DPYS: variants seen among roughly 807,000 people sequenced by gnomAD.
DPYS encodes dihydropyrimidine amidohydrolase.
DPYS carries 39 observed loss-of-function variants against 50.3 expected under a neutral mutation model. That is an observed-to-expected ratio of 0.78 (90% CI 0.60 to 1.01). DPYS has a LOEUF of 1.01. Among genes scored for constraint, DPYS ranks in the 50% least tolerant of loss-of-function variants. DPYS has a pLI of 0.00. For synonymous variants in DPYS, 245 were observed against 250.7 expected, an observed-to-expected ratio of 0.98 and a Z score of 0.22; for missense variants, 659 against 680.9, an observed-to-expected ratio of 0.97 and a Z score of 0.36.
chr8:104,428,111 T>C lies in DPYS; in HGVS notation c.961A>G (p.Thr321Ala). Reference protein sequence around the residue: ...LMNLLANDDLTTTGTDNCTFN... With the variant: ...LMNLLANDDLATTGTDNCTFN... ...GTGCAGTTATCAGTCCCTGTTGTGG[T>C]TAGATCATCACTGTAAAAGAAAAAA... The change falls in exon 6 of 10, where the codon ACC becomes GCC. Residue 321 changes from threonine to alanine, a missense_variant. Coordinates refer to ENST00000351513, the MANE Select transcript of DPYS (RefSeq NM_001385.3). 1.9e-6 allele frequency: 3 copies of C among 1,614,206 alleles called. No individual in the cohort carries two copies. The highest frequency in any genetic ancestry group is 2.5e-6 in the Non-Finnish European group (3 of 1,180,026).
At chr8:104,426,016 T>A (rs1381961376) in intron 6 of DPYS, among the ~76,000 whole-genome samples, 1 of 152,136 alleles carries the variant, frequency 6.6e-6, no homozygotes, top group East Asian at 1.9e-4. Flanking sequence ...AAATCTGCTA[T>A]AATAAAGATA....
At chr8:104,395,995 T>C (rs905748911) in intron 7 of DPYS, among the ~76,000 whole-genome samples, 3 of 152,154 alleles carry the variant, frequency 2.0e-5, no homozygotes, top group East Asian at 3.8e-4. Flanking sequence ...AATCAAGTGG[T>C]AAATAACATC....
chr8:104,390,214 C>T (rs1205955015), intron 8 of DPYS, among the ~76,000 whole-genome samples: 1 of 152,194 alleles, frequency 6.6e-6, no homozygotes, highest in Admixed American at 6.5e-5. Flanking sequence ...AATCCACCCT[C>T]TATGTTCATC....
intron 8 of DPYS, 88 bp downstream of exon 8, chr8:104,392,696 A>G (rs1811429130): frequency 6.6e-7 from 1 of 1,516,264 alleles, no homozygotes; most frequent in Non-Finnish European, 9.1e-7. Flanking sequence ...TGATGTGTCA[A>G]CACCACTACT....
At chr8:104,460,765 G>GT (rs907994696) in intron 1 of DPYS, among the ~76,000 whole-genome samples, 2 of 152,072 alleles carry the variant, frequency 1.3e-5, no homozygotes, top group Admixed American at 6.5e-5. Context: ...TAATCTTTGA[G>GT]TTTTTTTGTG....
chr8:104,450,297 A>C (rs1340746428), intron 2 of DPYS, among the ~76,000 whole-genome samples: 1 of 152,142 alleles, frequency 6.6e-6, no homozygotes, highest in Non-Finnish European at 1.5e-5. Flanking sequence ...TTAGCTGTGG[A>C]CTATAAACCT....
At chr8:104,438,351 T>A (rs1206880744) in intron 4 of DPYS, among the ~76,000 whole-genome samples, 1 of 152,230 alleles carries the variant, frequency 6.6e-6, no homozygotes, top group Admixed American at 6.5e-5. Flanking sequence ...TTTCTCAACC[T>A]ATTTTAAAAA....
intron 7 of DPYS, among the ~76,000 whole-genome samples, chr8:104,416,877 CA>C (rs1436320281): frequency 2.0e-5 from 3 of 152,148 alleles, no homozygotes. Flanking sequence ...CCACGCCCTA[CA>C]ATCCCTACTA....
chr8:104,436,168 C>T (rs1040296253), intron 4 of DPYS, among the ~76,000 whole-genome samples: 1 of 152,168 alleles, frequency 6.6e-6, no homozygotes, highest in Non-Finnish European at 1.5e-5. Context: ...GAAACAGACA[C>T]GCTTGGTGGA....
chr8:104,394,211 T>C (rs971725149), intron 7 of DPYS, among the ~76,000 whole-genome samples: 1 of 152,136 alleles, frequency 6.6e-6, no homozygotes, highest in African/African-American at 2.4e-5. Flanking sequence ...CAGCTCAAAG[T>C]TCCCCCAGCC....
Position 104,429,612 on chromosome 8 carries a change from G to T in DPYS, c.883C>A (p.His295Asn), listed in dbSNP as rs374371607. The change falls in exon 5 of 10, where the codon CAT (histidine) becomes AAT (asparagine). Residue 295 changes from histidine (H) to asparagine (N), a missense_variant. Transcript: ENST00000351513. ...GGTCGCAAAGGTGGACCCATGACAT[G>T]GTGGGCTGCATGGTGCCATTCTTTA... is the stretch of plus-strand genomic sequence containing the variant. ...WNKEWHHAAH[H>N]VMGPPLRPDP... The T allele has an allele frequency of 1.2e-6, 2 of 1,614,042 alleles. No homozygotes were observed. The highest frequency in any genetic ancestry group is 1.7e-6 in the Non-Finnish European group (2 of 1,180,026).
At chr8:104,436,862 C>T (rs1336269666) in intron 4 of DPYS, among the ~76,000 whole-genome samples, 2 of 151,208 alleles carry the variant, frequency 1.3e-5, no homozygotes, top group East Asian at 1.9e-4. Flanking sequence ...AAATAAAGTA[C>T]CAAATTATTT....
At chr8:104,381,490 T>C (rs752505481) in intron 8 of DPYS, 176 bp from the exon 9 acceptor site, 1 of 619,564 alleles carries the variant, frequency 1.6e-6, no homozygotes, top group Non-Finnish European at 2.9e-6. Context: ...GAATCTGGAT[T>C]GTCCCACTTT....
chr8:104,457,209 A>C (rs1371849442), intron 1 of DPYS, among the ~76,000 whole-genome samples: 1 of 152,192 alleles, frequency 6.6e-6, no homozygotes, highest in Non-Finnish European at 1.5e-5. Context: ...GTGGGTGGCC[A>C]CAAGCACTGC....
chr8:104,380,334 C>A (rs895181120), intron 9 of DPYS, among the ~76,000 whole-genome samples: 1 of 152,184 alleles, frequency 6.6e-6, no homozygotes, highest in African/African-American at 2.4e-5. Context: ...TCCATTAGGT[C>A]AACCTCTGGG....
intron 8 of DPYS, among the ~76,000 whole-genome samples, chr8:104,388,167 C>T (rs955704249): frequency 1.3e-5 from 2 of 152,026 alleles, no homozygotes; most frequent in African/African-American, 4.8e-5. Context: ...TGGAGAATAC[C>T]CATCTCAAGG....
intron 4 of DPYS, among the ~76,000 whole-genome samples, chr8:104,441,210 T>A (rs1813343323): frequency 6.6e-6 from 1 of 152,218 alleles, no homozygotes; most frequent in African/African-American, 2.4e-5. Context: ...CTGACTCAAC[T>A]ACAACGTTTA....
At chr8:104,453,219 T>G (rs1338469320) in intron 1 of DPYS, among the ~76,000 whole-genome samples, 1 of 152,230 alleles carries the variant, frequency 6.6e-6, no homozygotes, top group Non-Finnish European at 1.5e-5. Flanking sequence ...CAGGATCCTG[T>G]ATGTTGTCTC....
In DPYS at chr8:104,397,370, T is replaced by C. The variant is rs1672029644; in HGVS notation, c.1236-4379A>G. On this transcript the variant is annotated intron_variant, in intron 7 of 9. Coordinates refer to ENST00000351513, the MANE Select transcript of DPYS (RefSeq NM_001385.3). ...GCTTCAGCACATGCTAGGTGCTTTATAAACATTTATGTGATGATCAAATTA... is the reference window on the plus strand; with the variant it reads ...GCTTCAGCACATGCTAGGTGCTTTACAAACATTTATGTGATGATCAAATTA... 2.0e-5 allele frequency among the ~76,000 whole-genome samples: 3 copies of C among 152,362 alleles called. No homozygotes were observed. The South Asian group carries it at 6.2e-4, about 32-fold the overall frequency.
Sources: gnomAD v4.1 joint callset for allele counts (sites outside exome capture counted in the v4.1 genomes callset) on GRCh38, gnomAD v4.1.1 for gene constraint, MANE v1.5 for transcripts, NCBI Gene and HGNC (gene_info 2026-07-23, HGNC 2026-07-21) for gene names.